Variants in OVCH1 observed in about 807,000 individuals in gnomAD.
OVCH1 encodes ovochymase-1.
Under a neutral mutation model 138.4 loss-of-function variants are expected in OVCH1, and 139 were observed. The observed-to-expected ratio is 1.00, with a 90% CI of 0.87 to 1.16. The LOEUF is 1.16. OVCH1 is among the 50% of genes most tolerant of loss of function. The pLI is 0.00. For missense variants in OVCH1, 1,367 were observed against 1,357.9 expected (o/e 1.01, Z -0.11); for synonymous variants, 453 against 467.8 (o/e 0.97, Z 0.41).
intron 7 of OVCH1, chr12:29,486,879 C>A (rs986660653): frequency 6.6e-6 from 3 of 455,550 alleles, no homozygotes; most frequent in Non-Finnish European, 8.8e-6. Flanking sequence ...TCAACTTTCC[C>A]TTCCAGGTGA....
chr12:29,489,497 A>G, intron 6 of OVCH1, 123 bp downstream of exon 6: 1 of 1,151,514 alleles, frequency 8.7e-7, no homozygotes, highest in Non-Finnish European at 1.2e-6. Context: ...ATCAGAGGAA[A>G]AGATGAAGGG....
intron 27 of OVCH1, among the ~76,000 whole-genome samples, chr12:29,433,307 AT>A (rs1941302442): frequency 1.3e-5 from 2 of 152,114 alleles, no homozygotes; most frequent in African/African-American, 4.8e-5. Context: ...GTGATTATGA[AT>A]AAGTCTCACA....
chr12:29,429,150 G>A (rs1015368796), intron 27 of OVCH1, among the ~76,000 whole-genome samples: 1 of 152,144 alleles, frequency 6.6e-6, no homozygotes, highest in African/African-American at 2.4e-5. Flanking sequence ...TCTATATTAT[G>A]AGTATAAAAC....
rs187986863 is a variant in OVCH1 at position 29,496,624 on chromosome 12, C to T, written c.115G>A (p.Val39Met). 912 of 1,613,834 alleles carry T rather than the reference C, an allele frequency of 5.7e-4. 6 individuals are homozygous for T. In the East Asian group the frequency reaches 0.014, roughly 24 times the overall value. The change falls in exon 2 of 28, where the codon GTG becomes ATG. Residue 39 changes from valine to methionine, a missense_variant. By Grantham distance (21) the Val-to-Met change is conservative. Transcript: ENST00000318184. ...ATTCTAGAGAAGAATCTAGATCCCA[C>T]GGCAGGTTCCTTACTTTTCATGTTG...
intron 25 of OVCH1, among the ~76,000 whole-genome samples, chr12:29,440,236 A>T (rs1941450704): frequency 6.6e-6 from 1 of 152,210 alleles, no homozygotes; most frequent in Admixed American, 6.5e-5. Context: ...TATTTAGAGA[A>T]ATTGAAATAG....
At chr12:29,476,352 G>C in intron 12 of OVCH1, 53 bp from the exon 13 acceptor site, 2 of 1,416,116 alleles carry the variant, frequency 1.4e-6, no homozygotes, top group Non-Finnish European at 2.0e-6. Flanking sequence ...GAAGAGAGAA[G>C]CTTAAAGGGT....
chr12:29,412,029 CCT>C (rs1411792720), downstream of OVCH1, among the ~76,000 whole-genome samples: 5 of 152,092 alleles, frequency 3.3e-5, no homozygotes, highest in Admixed American at 2.0e-4. Flanking sequence ...CCTCCCCCAG[CCT>C]CTCTGCCGCC....
At chr12:29,465,284 T>A in intron 16 of OVCH1, 65 bp from the exon 17 acceptor site, 2 of 1,342,292 alleles carry the variant, frequency 1.5e-6, no homozygotes, top group East Asian at 2.5e-5. Context: ...GTTCTCACAC[T>A]GCTATAAAGG....
At chr12:29,431,752 A>G (rs1259765561) in intron 27 of OVCH1, among the ~76,000 whole-genome samples, 1 of 152,212 alleles carries the variant, frequency 6.6e-6, no homozygotes, top group Non-Finnish European at 1.5e-5. Context: ...ATATAAATCT[A>G]TTATAATTCT....
At chr12:29,466,606 G>C (rs2135990528) in intron 16 of OVCH1, among the ~76,000 whole-genome samples, 1 of 152,276 alleles carries the variant, frequency 6.6e-6, no homozygotes, top group South Asian at 2.1e-4. Context: ...AGTGATGACT[G>C]GAAGAGGCAC....
chr12:29,483,274 A>G (rs1489493790), intron 8 of OVCH1, among the ~76,000 whole-genome samples: 1 of 151,390 alleles, frequency 6.6e-6, no homozygotes, highest in Non-Finnish European at 1.5e-5. Flanking sequence ...ACTCTAATAA[A>G]GGAGTTTCTT....
At chr12:29,493,186 G>T (rs896162658) in intron 4 of OVCH1, among the ~76,000 whole-genome samples, 7 of 152,014 alleles carry the variant, frequency 4.6e-5, no homozygotes, top group African/African-American at 1.7e-4. Context: ...AAAAAATGGG[G>T]CAATAGTTTC....
intron 21 of OVCH1, among the ~76,000 whole-genome samples, chr12:29,453,929 T>G (rs755717486): frequency 6.6e-5 from 10 of 152,204 alleles, no homozygotes; most frequent in Non-Finnish European, 1.2e-4. Flanking sequence ...TCTAGTTCAC[T>G]ATGTCATTTT....
At chr12:29,441,508 A>AT (rs1176571230) in intron 25 of OVCH1, among the ~76,000 whole-genome samples, 1 of 152,224 alleles carries the variant, frequency 6.6e-6, no homozygotes, top group Non-Finnish European at 1.5e-5. Context: ...ACCTAAAACC[A>AT]TAAAAAACCC....
chr12:29,484,186 G>A (rs1313127211), intron 8 of OVCH1, among the ~76,000 whole-genome samples: 3 of 152,114 alleles, frequency 2.0e-5, no homozygotes, highest in African/African-American at 4.8e-5. Context: ...AGAGGACAGG[G>A]TATGTAGAAA....
At chr12:29,405,453 A>C in the OVCH1 span, among the ~76,000 whole-genome samples, 1 of 152,188 alleles carries the variant, frequency 6.6e-6, no homozygotes, top group Non-Finnish European at 1.5e-5. Flanking sequence ...CCATGTTAGA[A>C]AATTCATCCT....
intron 26 of OVCH1, among the ~76,000 whole-genome samples, chr12:29,437,064 C>T (rs758324061): frequency 6.6e-6 from 1 of 152,248 alleles, no homozygotes; most frequent in African/African-American, 2.4e-5. Flanking sequence ...AAACCTTTAG[C>T]TCGATACAGA....
chr12:29,487,959 C>A, intron 6 of OVCH1, 77 bp from the exon 7 acceptor site: 1 of 1,363,178 alleles, frequency 7.3e-7, no homozygotes, highest in South Asian at 1.5e-5. Flanking sequence ...TAAACATCAG[C>A]ACTCATCACA....
intron 3 of OVCH1, among the ~76,000 whole-genome samples, chr12:29,413,481 G>A (rs1592020129): frequency 6.6e-6 from 1 of 152,186 alleles, no homozygotes; most frequent in East Asian, 1.9e-4. Flanking sequence ...CACATTTGCA[G>A]TACTTTAAAC....
Sources: allele counts gnomAD v4.1 joint callset (sites outside exome capture counted in the v4.1 genomes callset), GRCh38; gene constraint gnomAD v4.1.1; transcripts MANE v1.5; gene names NCBI Gene and HGNC (gene_info 2026-07-23, HGNC 2026-07-21).